The following AKT3 variants were observed in gnomAD, a reference collection of about 807,000 sequenced individuals.
AKT3 encodes RAC-gamma serine/threonine-protein kinase.
In AKT3, 15 loss-of-function variants were observed where a neutral mutation model predicts 65.3. That is an observed-to-expected ratio of 0.23 (90% CI 0.15 to 0.35). The LOEUF (loss-of-function observed/expected upper bound fraction) is 0.35, where lower values mean the gene tolerates loss of function less well. Ranked by LOEUF, AKT3 falls within the 10% of genes least tolerant of loss-of-function variation. The pLI is 1.00. For missense variants in AKT3, 243 were observed against 576.5 expected (o/e 0.42, Z 5.92); for synonymous variants, 206 against 183.8 (o/e 1.12, Z -0.98).
At chr1:243,692,162 G>A (rs867446950) in intron 3 of AKT3, among the ~76,000 whole-genome samples, 2 of 152,224 alleles carry the variant, frequency 1.3e-5, no homozygotes, top group Middle Eastern at 3.4e-3. Context: ...GCAAAAGCAG[G>A]AAGGCCATTC....
chr1:243,747,492 G>T (rs980649114), intron 2 of AKT3, among the ~76,000 whole-genome samples: 4 of 152,138 alleles, frequency 2.6e-5, no homozygotes, highest in Non-Finnish European at 4.4e-5. Context: ...TTGCTGCTAA[G>T]TTGTAACTGA....
chr1:243,702,056 A>C (rs2148046759), intron 2 of AKT3, among the ~76,000 whole-genome samples: 2 of 150,838 alleles, frequency 1.3e-5, no homozygotes, highest in Middle Eastern at 3.5e-3. Context: ...TGAAAAAATA[A>C]CCTCTTTCGC....
chr1:243,767,529 AGAGT>A (rs1346833977), intron 2 of AKT3, among the ~76,000 whole-genome samples: 5 of 152,278 alleles, frequency 3.3e-5, no homozygotes, highest in East Asian at 3.9e-4. Context: ...AAAACTATAT[AGAGT>A]ATTTCCACTA....
intron 2 of AKT3, among the ~76,000 whole-genome samples, chr1:243,742,844 C>T (rs1398465899): frequency 6.6e-6 from 1 of 151,410 alleles, no homozygotes; most frequent in African/African-American, 2.4e-5. Context: ...TTCAGGGGCT[C>T]CAGGGTATCT....
chr1:243,733,284 C>T (rs1176796132), intron 2 of AKT3, among the ~76,000 whole-genome samples: 1 of 152,210 alleles, frequency 6.6e-6, no homozygotes, highest in Admixed American at 6.5e-5. Context: ...AGATAGCTCT[C>T]TTTCAAAGCT....
At chr1:243,508,029 G>A (rs1669776611) in intron 13 of AKT3, among the ~76,000 whole-genome samples, 1 of 152,208 alleles carries the variant, frequency 6.6e-6, no homozygotes, top group African/African-American at 2.4e-5. Context: ...TGGCAAGTGG[G>A]AAGACAATTG....
chr1:243,534,167 T>C (rs1460337200), intron 12 of AKT3, among the ~76,000 whole-genome samples: 3 of 151,978 alleles, frequency 2.0e-5, no homozygotes, highest in Admixed American at 6.6e-5. Flanking sequence ...AAGACACTGA[T>C]AGATTAAAAG....
chr1:243,803,645 T>TACACACAC (rs72379577), intron 2 of AKT3, among the ~76,000 whole-genome samples: 32 of 136,720 alleles, frequency 2.3e-4, no homozygotes, highest in Non-Finnish European at 3.6e-4. Flanking sequence ...GACGTACATG[T>TACACACAC]ACACACACAC....
At chr1:243,547,284 A>G (rs1361652400) in intron 11 of AKT3, among the ~76,000 whole-genome samples, 2 of 152,226 alleles carry the variant, frequency 1.3e-5, no homozygotes, top group Non-Finnish European at 2.9e-5. Flanking sequence ...AAAAATACAG[A>G]TAACAGTGAA....
chr1:243,691,057 T>G (rs978268582), intron 3 of AKT3, among the ~76,000 whole-genome samples: 1 of 152,002 alleles, frequency 6.6e-6, no homozygotes, highest in African/African-American at 2.4e-5. Context: ...CAGAAGATAA[T>G]AGATTTAAGA....
chr1:243,681,509 G>T (rs985130771), intron 3 of AKT3, among the ~76,000 whole-genome samples: 1 of 152,064 alleles, frequency 6.6e-6, no homozygotes, highest in Non-Finnish European at 1.5e-5. Context: ...AAATTTATCA[G>T]CCACCCATCT....
chr1:243,840,172 AAAAAT>A (rs1030095497), intron 2 of AKT3, among the ~76,000 whole-genome samples: 11 of 152,194 alleles, frequency 7.2e-5, no homozygotes, highest in African/African-American at 2.2e-4. Flanking sequence ...CTCCGTCTCA[AAAAAT>A]AAAATAAAAT....
intron 12 of AKT3, among the ~76,000 whole-genome samples, chr1:243,531,420 T>G (rs972434192): frequency 2.0e-5 from 3 of 152,212 alleles, no homozygotes; most frequent in Non-Finnish European, 4.4e-5. Flanking sequence ...GGCAATCACC[T>G]ATGATTCAAG....
At position 243,512,417 on chromosome 1, in the gene AKT3, G is replaced by C. The variant is rs769538692; in HGVS notation, c.1261C>G (p.Pro421Ala). Residue 421 changes from proline to alanine, a missense_variant, in exon 13 of 14, where the codon CCT (proline) becomes GCT (alanine). Pro to Ala is a conservative substitution (Grantham distance 27). Around this residue, in one of 6 missense-constraint regions of AKT3, gnomAD observed 57 missense variants for 107.6 expected, o/e 0.53. Transcript: ENST00000673466. ...TCAGATGTTACTTGAGGTTTAAAAGGAGGTACAAGCTGTAAAAAGAAAGAA... is the reference window on the plus strand; with the variant it reads ...TCAGATGTTACTTGAGGTTTAAAAGCAGGTACAAGCTGTAAAAAGAAAGAA... ...QDVYDKKLVP[P>A]FKPQVTSETD... 1 of 1,562,748 alleles carries C rather than the reference G, an allele frequency of 6.4e-7. No individual in the cohort carries two copies. The highest frequency in any genetic ancestry group is 8.7e-7 in the Non-Finnish European group (1 of 1,148,898).
chr1:243,700,717 T>A (rs934094578), intron 2 of AKT3, among the ~76,000 whole-genome samples: 1 of 152,142 alleles, frequency 6.6e-6, no homozygotes, highest in African/African-American at 2.4e-5. Flanking sequence ...TTGGCCAGGA[T>A]GGTCTCGATC....
At chr1:243,630,739 G>T (rs192736920) in intron 6 of AKT3, among the ~76,000 whole-genome samples, 8 of 152,152 alleles carry the variant, frequency 5.3e-5, no homozygotes, top group African/African-American at 1.7e-4. Flanking sequence ...CACTGACAGG[G>T]TTTATAACAT....
At chr1:243,705,707 A>C (rs1013408505) in intron 2 of AKT3, among the ~76,000 whole-genome samples, 4 of 152,234 alleles carry the variant, frequency 2.6e-5, no homozygotes, top group Non-Finnish European at 5.9e-5. Flanking sequence ...TTAATGAAGA[A>C]TAAACGGTGA....
At chr1:243,775,583 T>G (rs1243336388) in intron 2 of AKT3, among the ~76,000 whole-genome samples, 1 of 152,116 alleles carries the variant, frequency 6.6e-6, no homozygotes, top group African/African-American at 2.4e-5. Flanking sequence ...ATAAAGCAAA[T>G]GTGGAGACAA....
At chr1:243,829,782 T>C (rs1302102189) in intron 2 of AKT3, among the ~76,000 whole-genome samples, 4 of 152,130 alleles carry the variant, frequency 2.6e-5, no homozygotes, top group Admixed American at 2.6e-4. Flanking sequence ...ATCTGGACAA[T>C]AAACTGACTT....
Sources: allele counts gnomAD v4.1 joint callset (sites outside exome capture counted in the v4.1 genomes callset), GRCh38; gene constraint gnomAD v4.1.1; regional missense constraint gnomAD v4.1.1; transcripts MANE v1.5; gene names NCBI Gene and HGNC (gene_info 2026-07-23, HGNC 2026-07-21).